Variants in SFR1 observed in about 807,000 individuals in gnomAD.
SFR1 encodes the protein SWI5 dependent homologous recombination repair protein 1, also known as swi5-dependent recombination DNA repair protein 1 homolog.
SFR1 carries 24 observed loss-of-function variants against 26.2 expected under a neutral mutation model. That is an observed-to-expected ratio of 0.92 (90% confidence interval 0.66 to 1.29). The LOEUF is 1.29. Among genes scored for constraint, SFR1 ranks in the 50% most tolerant of loss-of-function variants. The pLI is 0.00. For missense variants in SFR1, 276 were observed against 270.2 expected (o/e 1.02, Z -0.15); for synonymous variants, 77 against 96.6 (o/e 0.80, Z 1.19).
chr10:104,121,059 A>C (rs1360905374), upstream of SFR1, among the ~76,000 whole-genome samples: 1 of 151,548 alleles, frequency 6.6e-6, no homozygotes, highest in Non-Finnish European at 1.5e-5. Flanking sequence ...AATGTAGCTA[A>C]CTTTGTCGTC....
At chr10:104,123,492 A>G (rs2086990301) in intron 2 of SFR1, 2 of 433,414 alleles carry the variant, frequency 4.6e-6, no homozygotes, top group Admixed American at 4.0e-5. Flanking sequence ...AAACTTCTCA[A>G]CACTTTTGGA....
chr10:104,123,659 G>T, intron 2 of SFR1, 55 bp from the exon 3 acceptor site: 1 of 1,372,930 alleles, frequency 7.3e-7, no homozygotes, highest in Non-Finnish European at 9.8e-7. Flanking sequence ...GTGATTTATT[G>T]ACATTAAGAA....
chr10:104,122,516 G>T (rs934337644), intron 1 of SFR1: 2 of 985,322 alleles, frequency 2.0e-6, no homozygotes, highest in African/African-American at 1.7e-5. Flanking sequence ...TATGCCTCGG[G>T]CCGGCAGGGT....
At chr10:104,124,266 T>A (rs2087002297) in intron 3 of SFR1, 142 bp downstream of exon 3, 1 of 705,252 alleles carries the variant, frequency 1.4e-6, no homozygotes, top group Non-Finnish European at 2.2e-6. Flanking sequence ...CAGCTTTAAT[T>A]CAACTCCAGA....
Position 104,123,806 on chromosome 10 carries a change from T to A in SFR1, c.228T>A (p.Ser76Arg). 2 of 1,612,606 alleles carry A rather than the reference T, an allele frequency of 1.2e-6. No homozygotes were observed. The highest frequency in any genetic ancestry group is 1.7e-6 in the Non-Finnish European group (2 of 1,179,728). The change falls in exon 3 of 4, where the codon AGT becomes AGA. Residue 76 changes from serine (S) to arginine (R), a missense_variant. Transcript: ENST00000369727. ...YNVVKRLKVESEENDQTFSEK... is the reference protein window; with the variant it reads ...YNVVKRLKVEREENDQTFSEK... ...TGGTGAAACGTCTTAAAGTAGAGAG[T>A]GAAGAAAATGATCAGACCTTTTCAG... is the stretch of plus-strand genomic sequence containing the variant.
rs769067161 is a variant in SFR1 at position 104,123,873 on chromosome 10, C to G, written c.295C>G (p.Gln99Glu). Residue 99 changes from glutamine (Q) to glutamate (E), a missense_variant, in exon 3 of 4, where the codon CAA becomes GAA. Transcript: ENST00000369727. Reference protein sequence around the residue: ...SSTEENCLEFQESFKHIDSEF... With the variant: ...SSTEENCLEFEESFKHIDSEF... ...CACAGAGGAAAACTGTTTGGAATTT[C>G]AAGAAAGTTTTAAACATATAGACAG... The G allele has an allele frequency of 7.4e-6, 12 of 1,612,922 alleles. No individual in the cohort carries two copies. The highest frequency in any genetic ancestry group is 1.0e-5 in the Non-Finnish European group (12 of 1,179,844).
chr10:104,122,152 C>A (rs752809244), upstream of SFR1: 9 of 1,547,274 alleles, frequency 5.8e-6, no homozygotes, highest in African/African-American at 8.3e-5. Context: ...TTTACGGCCG[C>A]AGGTGCGCGC....
At chr10:104,123,279 C>T in intron 2 of SFR1, 193 bp downstream of exon 2, 1 of 501,866 alleles carries the variant, frequency 2.0e-6, no homozygotes, top group Non-Finnish European at 3.5e-6. Context: ...CCATATTTTC[C>T]TCTTGAATGA....
At chr10:104,121,928 G>C (rs974187402), upstream of SFR1, 4 of 494,046 alleles carry the variant, frequency 8.1e-6, no homozygotes, top group African/African-American at 6.2e-5. Context: ...GCTGGGCGGG[G>C]AGAGCCGCGC....
At chr10:104,122,035 C>A, upstream of SFR1, 1 of 957,730 alleles carries the variant, frequency 1.0e-6, no homozygotes, top group East Asian at 2.9e-5. Context: ...CGCGCAGTCC[C>A]ACCGCTCTGA....
rs1265738907 is a variant in SFR1 at position 104,123,031 on chromosome 10, C to G, written c.80C>G (p.Thr27Ser). ...GACTCAGCTGTGGTTTTACCTAGCA[C>G]TCCTCAGGCCTCTGCGAATCCATCA... Reference protein sequence around the residue: ...PSDSAVVLPSTPQASANPSSP... With the variant: ...PSDSAVVLPSSPQASANPSSP... The change falls in exon 2 of 4, where the codon ACT becomes AGT. Residue 27 changes from threonine (T) to serine (S), a missense_variant. Transcript: ENST00000369727. The G allele has an allele frequency of 6.2e-7, 1 of 1,608,864 alleles. No homozygotes were observed. Among genetic ancestry groups the G allele is most frequent in the East Asian group, 2.2e-5 (1 of 44,828 alleles).
At chr10:104,121,976 C>T (rs906975032), upstream of SFR1, 5 of 549,932 alleles carry the variant, frequency 9.1e-6, no homozygotes, top group Non-Finnish European at 1.6e-5. Context: ...TCTGGGCCTC[C>T]CATCGTGTGG....
intron 1 of SFR1, chr10:104,122,592 T>G (rs2086977377): frequency 3.0e-6 from 3 of 985,254 alleles, no homozygotes; most frequent in Non-Finnish European, 3.6e-6. Context: ...TGTTTTTGAG[T>G]CAAGGTTTCG....
chr10:104,122,010 G>T (rs778191431), upstream of SFR1: 18 of 646,760 alleles, frequency 2.8e-5, no homozygotes, highest in Non-Finnish European at 3.9e-5. Flanking sequence ...CCAACCACCC[G>T]CTGGCGGAGG....
At chr10:104,125,336 G>A (rs1169264910) in intron 3 of SFR1, among the ~76,000 whole-genome samples, 177 bp from the exon 4 acceptor site, 2 of 152,150 alleles carry the variant, frequency 1.3e-5, no homozygotes, top group Non-Finnish European at 2.9e-5. Flanking sequence ...TAGAACTCAA[G>A]TTGAGTGACA....
At position 104,125,687 on chromosome 10, in the gene SFR1, G is replaced by C; in HGVS notation, c.721G>C (p.Glu241Gln). 6.3e-7 allele frequency: 1 copy of C among 1,582,014 alleles called. No individual in the cohort carries two copies. Among genetic ancestry groups the C allele is most frequent in the East Asian group, 2.2e-5 (1 of 44,448 alleles). ...ACTACACTATAACAGAAGTGAAGAAGAATTTATAGATGTTTAATTCCTGAT... is the reference window on the plus strand; with the variant it reads ...ACTACACTATAACAGAAGTGAAGAACAATTTATAGATGTTTAATTCCTGAT... ...KLLHYNRSEE[E>Q]FIDV The change falls in exon 4 of 4, where the codon GAA becomes CAA. Residue 241 changes from glutamate to glutamine, a missense_variant. Physicochemically the swap from Glu to Gln is conservative, Grantham distance 29. Transcript: ENST00000369727.
intron 2 of SFR1, 67 bp from the exon 3 acceptor site, chr10:104,123,647 T>G (rs1191608093): frequency 7.7e-7 from 1 of 1,304,040 alleles, no homozygotes; most frequent in Non-Finnish European, 1.0e-6. Context: ...ACTTTATTTC[T>G]GGTGATTTAT....
At position 104,125,778 on chromosome 10, in the gene SFR1, T is replaced by G; in HGVS notation, c.*74T>G. On this transcript the variant is annotated 3_prime_UTR_variant, in exon 4 of 4. Transcript: ENST00000369727. Reference sequence around the variant, plus strand: ...AAGATACTTAGGCACTTTTTTTTTTTTTTTGAGACTGAGTTTCGCTCTTGT... The same window carrying G: ...AAGATACTTAGGCACTTTTTTTTTTGTTTTGAGACTGAGTTTCGCTCTTGT... 9.5e-7 allele frequency: 1 copy of G among 1,052,806 alleles called. No individual in the cohort carries two copies. Among genetic ancestry groups the G allele is most frequent in the Admixed American group, 2.5e-5 (1 of 39,538 alleles). 65.2% of individuals were successfully genotyped at this position (1,052,806 alleles called of 1,614,324 possible). A position where few individuals can be genotyped will look rare whatever the true frequency, so the allele number is the denominator to read the frequency against.
chr10:104,124,358 C>T (rs10883969), intron 3 of SFR1, among the ~76,000 whole-genome samples: 53,351 of 151,860 alleles, frequency 0.35, 11,771 homozygotes, highest in Non-Finnish European at 0.48. Flanking sequence ...TTAAACTTTT[C>T]TCTCTAGTTT....
Sources: gnomAD v4.1 joint callset for allele counts (sites outside exome capture counted in the v4.1 genomes callset) on GRCh38, gnomAD v4.1.1 for gene constraint, MANE v1.5 for transcripts, NCBI Gene and HGNC (gene_info 2026-07-23, HGNC 2026-07-21) for gene names.